Variants in PCDH15 observed in about 807,000 individuals in gnomAD.
The protein encoded by PCDH15 is protocadherin-15.
PCDH15 carries 129 observed loss-of-function variants against 178.5 expected under a neutral mutation model. The observed-to-expected ratio is 0.72, with a 90% CI of 0.63 to 0.84. The LOEUF is 0.84. PCDH15 is among the 40% of genes least tolerant of loss of function. The pLI is 0.00. For synonymous variants in PCDH15, 800 were observed against 732.0 expected (o/e 1.09, Z -1.50); for missense variants, 2,230 against 2,099.9 (o/e 1.06, Z -1.21).
chr10:54,687,682 G>A (rs960153313), intron 1 of PCDH15, among the ~76,000 whole-genome samples: 13 of 151,944 alleles, frequency 8.6e-5, no homozygotes, highest in African/African-American at 2.9e-4. Context: ...TAGAAACCTC[G>A]TTTTTCTGTA....
intron 2 of PCDH15, among the ~76,000 whole-genome samples, chr10:55,069,019 T>G (rs1170598127): frequency 6.6e-6 from 1 of 151,136 alleles, no homozygotes; most frequent in East Asian, 1.9e-4. Flanking sequence ...TGCCTCACCC[T>G]CCGAAGTAGC....
intron 8 of PCDH15, among the ~76,000 whole-genome samples, chr10:54,302,749 A>G (rs2060214970): frequency 2.0e-5 from 3 of 152,320 alleles, no homozygotes; most frequent in South Asian, 4.1e-4. Flanking sequence ...TACCTAACAC[A>G]TAATAGGTAC....
At chr10:54,696,477 A>T (rs544748365) in intron 1 of PCDH15, among the ~76,000 whole-genome samples, 3 of 152,154 alleles carry the variant, frequency 2.0e-5, no homozygotes, top group Non-Finnish European at 4.4e-5. Context: ...AGAATATTAC[A>T]TAAGTTTAGT....
At chr10:55,594,651 G>A (rs569855314) in intron 2 of PCDH15, among the ~76,000 whole-genome samples, 105 of 151,960 alleles carry the variant, frequency 6.9e-4, no homozygotes, top group Non-Finnish European at 1.4e-3. Flanking sequence ...AATGTTATGT[G>A]AATTTTAAGT....
chr10:54,890,713 A>G (rs1335958761), intron 3 of PCDH15, among the ~76,000 whole-genome samples: 2 of 152,066 alleles, frequency 1.3e-5, no homozygotes, highest in African/African-American at 4.8e-5. Context: ...TTTATCCATC[A>G]AAAATATTTA....
intron 2 of PCDH15, among the ~76,000 whole-genome samples, chr10:54,552,936 C>A (rs2086778948): frequency 6.6e-6 from 1 of 152,140 alleles, no homozygotes; most frequent in Non-Finnish European, 1.5e-5. Flanking sequence ...CTTATTTGTG[C>A]AAACAGTTCA....
At chr10:54,492,837 C>T (rs1007382535) in intron 3 of PCDH15, among the ~76,000 whole-genome samples, 26 of 152,052 alleles carry the variant, frequency 1.7e-4, no homozygotes, top group African/African-American at 5.8e-4. Context: ...AGTCTGTTTT[C>T]ATGCTGCTGA....
At chr10:55,032,493 A>C (rs531431975) in intron 2 of PCDH15, among the ~76,000 whole-genome samples, 1 of 152,314 alleles carries the variant, frequency 6.6e-6, no homozygotes, top group East Asian at 1.9e-4. Flanking sequence ...GGAGTTATTT[A>C]TACCCTGCTT....
intron 8 of PCDH15, among the ~76,000 whole-genome samples, chr10:54,308,642 T>G (rs1469552461): frequency 6.6e-6 from 1 of 152,046 alleles, no homozygotes; most frequent in Non-Finnish European, 1.5e-5. Flanking sequence ...CATGACTTTT[T>G]AAAAAATTTA....
intron 2 of PCDH15, among the ~76,000 whole-genome samples, chr10:55,090,453 C>T (rs1842288565): frequency 2.0e-5 from 3 of 152,008 alleles, no homozygotes; most frequent in Admixed American, 6.6e-5. Flanking sequence ...TTAGATCTCA[C>T]CCTGGAGCTA....
chr10:54,844,207 A>G (rs1332014732), intron 3 of PCDH15, among the ~76,000 whole-genome samples: 1 of 152,046 alleles, frequency 6.6e-6, no homozygotes. Flanking sequence ...GGAAAGCTAC[A>G]GTAATACTTT....
At chr10:55,196,861 C>A (rs1002772482) in intron 1 of PCDH15, among the ~76,000 whole-genome samples, 7 of 151,712 alleles carry the variant, frequency 4.6e-5, no homozygotes, top group Non-Finnish European at 7.4e-5. Context: ...GTGAGATGAG[C>A]GAGAATAGCT....
intron 2 of PCDH15, among the ~76,000 whole-genome samples, chr10:54,980,204 G>T (rs1445922910): frequency 1.3e-5 from 2 of 152,040 alleles, no homozygotes; most frequent in Non-Finnish European, 2.9e-5. Context: ...GGAATACTAG[G>T]CATAATTAAT....
intron 2 of PCDH15, among the ~76,000 whole-genome samples, chr10:54,608,280 C>T (rs2134199439): frequency 6.8e-6 from 1 of 147,732 alleles, no homozygotes; most frequent in African/African-American, 2.5e-5. Context: ...CGAGCATGGG[C>T]AACATGACAA....
At chr10:54,273,029 TAA>T (rs1385615333) in intron 8 of PCDH15, among the ~76,000 whole-genome samples, 2 of 152,104 alleles carry the variant, frequency 1.3e-5, no homozygotes, top group Admixed American at 1.3e-4. Flanking sequence ...ACATTTTAAA[TAA>T]GTGAATTTAG....
chr10:54,019,625 G>A (rs925196240), intron 20 of PCDH15, among the ~76,000 whole-genome samples: 19 of 152,014 alleles, frequency 1.2e-4, no homozygotes, highest in African/African-American at 4.3e-4. Context: ...GCTCTTTCAG[G>A]CAATCATCTG....
At chr10:54,520,435 T>C (rs2082723895) in intron 3 of PCDH15, among the ~76,000 whole-genome samples, 1 of 152,138 alleles carries the variant, frequency 6.6e-6, no homozygotes, top group Non-Finnish European at 1.5e-5. Context: ...AAAGAAGACA[T>C]TTATGCAGCC....
At chr10:55,088,823 A>C (rs1842244301) in intron 2 of PCDH15, among the ~76,000 whole-genome samples, 1 of 152,156 alleles carries the variant, frequency 6.6e-6, no homozygotes, top group African/African-American at 2.4e-5. Context: ...GAAATGATTT[A>C]TATTTCTAGT....
Position 54,759,164 on chromosome 10 carries a change from A to G in PCDH15, c.-29+41761T>C, listed in dbSNP as rs558793027. Among the ~76,000 whole-genome samples, 3 of 152,306 alleles carry G rather than the reference A, an allele frequency of 2.0e-5. No individual in the cohort carries two copies. In the East Asian group the frequency reaches 5.8e-4, roughly 29 times the overall value. ...CAATTAGATTTCTAGTAGGAAATTG[A>G]AAAGTACTATCATCATTTTCTTTAT... is the stretch of plus-strand genomic sequence containing the variant. On this transcript the variant is annotated intron_variant, in intron 1 of 37. Coordinates refer to ENST00000644397, the MANE Select transcript of PCDH15 (RefSeq NM_001384140.1).
Sources: allele counts gnomAD v4.1 joint callset (sites outside exome capture counted in the v4.1 genomes callset), GRCh38; gene constraint gnomAD v4.1.1; transcripts MANE v1.5; gene names NCBI Gene and HGNC (gene_info 2026-07-23, HGNC 2026-07-21).